Variants in TMEM132D observed in about 807,000 individuals in gnomAD.
TMEM132D encodes the protein mature OL transmembrane protein.
In TMEM132D, 21 loss-of-function variants were observed where a neutral mutation model predicts 62.3. That is an observed-to-expected ratio of 0.34 (90% CI 0.24 to 0.49). The LOEUF (loss-of-function observed/expected upper bound fraction) is 0.49. Among genes scored for constraint, TMEM132D ranks in the 20% least tolerant of loss-of-function variants. The pLI, the probability that TMEM132D is intolerant of heterozygous loss-of-function variation, is 0.99. For missense variants in TMEM132D, 1,346 were observed against 1,402.8 expected, an observed-to-expected ratio of 0.96 and a Z score of 0.65; for synonymous variants, 621 against 575.6, an observed-to-expected ratio of 1.08 and a Z score of -1.13.
At position 129,078,641 on chromosome 12, in the gene TMEM132D, C is replaced by A; in HGVS notation, c.2008G>T (p.Val670Leu). ...AGTGACAGCCCTGTCACCAGCTGCA[C>A]CCCGAGGTCTGTGATGGTCACCTTC... Reference protein sequence around the residue: ...DEKVTITDLGVQLVTGLSLSL... With the variant: ...DEKVTITDLGLQLVTGLSLSL... The change falls in exon 8 of 9, where the codon GTG (valine) becomes TTG (leucine). Residue 670 changes from valine to leucine, a missense_variant. Physicochemically the swap from Val to Leu is conservative, Grantham distance 32 (BLOSUM62 1). Transcript: ENST00000422113. 3.1e-6 allele frequency: 5 copies of A among 1,614,190 alleles called. No individual in the cohort carries two copies. Among genetic ancestry groups the A allele is most frequent in the Non-Finnish European group, 3.4e-6 (4 of 1,180,048 alleles).
chr12:129,762,016 C>T (rs1870395450), intron 1 of TMEM132D, among the ~76,000 whole-genome samples: 1 of 152,138 alleles, frequency 6.6e-6, no homozygotes, highest in Non-Finnish European at 1.5e-5. Flanking sequence ...ATTTTTCTGT[C>T]ATGAGAAACT....
intron 2 of TMEM132D, among the ~76,000 whole-genome samples, chr12:129,662,124 G>C (rs1452410353): frequency 1.3e-5 from 2 of 152,224 alleles, no homozygotes; most frequent in Non-Finnish European, 2.9e-5. Context: ...TCTGAATCAA[G>C]TGAAAGCAAG....
chr12:129,486,192 G>A (rs900414613), intron 3 of TMEM132D, among the ~76,000 whole-genome samples: 9 of 152,238 alleles, frequency 5.9e-5, no homozygotes, highest in Non-Finnish European at 1.2e-4. Flanking sequence ...GCTCCAGGAG[G>A]AGTGGAAGCT....
At chr12:129,771,924 A>T (rs951448466) in intron 1 of TMEM132D, among the ~76,000 whole-genome samples, 1 of 152,226 alleles carries the variant, frequency 6.6e-6, no homozygotes, top group Non-Finnish European at 1.5e-5. Context: ...TATTACACAG[A>T]CAAAGAAACT....
chr12:129,428,838 C>A (rs1309779200), intron 3 of TMEM132D, among the ~76,000 whole-genome samples: 2 of 152,168 alleles, frequency 1.3e-5, no homozygotes, highest in Non-Finnish European at 2.9e-5. Flanking sequence ...GGGAAAATTG[C>A]TTCAGCAATT....
intron 5 of TMEM132D, among the ~76,000 whole-genome samples, chr12:129,091,518 C>T (rs1874916681): frequency 1.3e-5 from 2 of 150,706 alleles, no homozygotes; most frequent in East Asian, 2.0e-4. Context: ...GAGACCTTAC[C>T]TATGCTCACC....
chr12:129,344,206 A>G (rs1386164435), intron 3 of TMEM132D, among the ~76,000 whole-genome samples: 1 of 152,158 alleles, frequency 6.6e-6, no homozygotes, highest in Non-Finnish European at 1.5e-5. Context: ...GAGATCCAAG[A>G]AACCTCTCTT....
intron 2 of TMEM132D, among the ~76,000 whole-genome samples, chr12:129,659,029 T>C (rs997374715): frequency 6.6e-6 from 1 of 152,132 alleles, no homozygotes; most frequent in African/African-American, 2.4e-5. Context: ...GCCTCCTGAA[T>C]AGCTGTGAAT....
chr12:129,547,160 C>T (rs1308846832), intron 2 of TMEM132D, among the ~76,000 whole-genome samples: 6 of 152,182 alleles, frequency 3.9e-5, no homozygotes, highest in African/African-American at 7.2e-5. Context: ...ATTCCTCACC[C>T]GGGGCAGCAT....
At chr12:129,406,616 C>T (rs1344406103) in intron 3 of TMEM132D, among the ~76,000 whole-genome samples, 1 of 145,370 alleles carries the variant, frequency 6.9e-6, no homozygotes, top group African/African-American at 2.7e-5. Flanking sequence ...CGAGACTCCA[C>T]CTCAAAAAAA....
intron 1 of TMEM132D, among the ~76,000 whole-genome samples, chr12:129,899,058 C>T (rs1875244284): frequency 6.6e-6 from 1 of 152,212 alleles, no homozygotes. Context: ...ATAGTTCCTG[C>T]TGAGCTCTGT....
chr12:129,125,580 C>T (rs1376648914), intron 5 of TMEM132D, among the ~76,000 whole-genome samples: 3 of 149,898 alleles, frequency 2.0e-5, no homozygotes, highest in East Asian at 3.9e-4. Flanking sequence ...TCACAGCTCA[C>T]TGCAGCCTCA....
At chr12:129,085,017 C>T in intron 5 of TMEM132D, 1 of 500,398 alleles carries the variant, frequency 2.0e-6, no homozygotes. Flanking sequence ...GAAGACTGCC[C>T]TTAGGTGAGT....
At chr12:129,609,023 C>T (rs1172102942) in intron 2 of TMEM132D, among the ~76,000 whole-genome samples, 1 of 151,784 alleles carries the variant, frequency 6.6e-6, no homozygotes, top group African/African-American at 2.4e-5. Context: ...CCACTGCAAC[C>T]TCTACCTCCT....
chr12:129,244,666 A>G (rs1206229599), intron 4 of TMEM132D, among the ~76,000 whole-genome samples: 2 of 151,810 alleles, frequency 1.3e-5, no homozygotes, highest in East Asian at 1.9e-4. Context: ...TTTGAGACAG[A>G]GTCTTGCTCT....
chr12:129,818,499 A>ATGTGTGTATGTGCGCATC (rs1872443752), intron 1 of TMEM132D, among the ~76,000 whole-genome samples: 1 of 136,826 alleles, frequency 7.3e-6, no homozygotes, highest in Non-Finnish European at 1.6e-5. Context: ...TGGTGTGTGT[A>ATGTGTGTATGTGCGCATC]TGTGTGTATG....
chr12:129,103,590 C>A (rs1565965043), intron 5 of TMEM132D, among the ~76,000 whole-genome samples: 1 of 152,218 alleles, frequency 6.6e-6, no homozygotes, highest in African/African-American at 2.4e-5. Flanking sequence ...CAGAGTGTCA[C>A]CCAGGCCTCT....
At chr12:129,152,502 C>A (rs888844152) in intron 5 of TMEM132D, among the ~76,000 whole-genome samples, 4 of 152,170 alleles carry the variant, frequency 2.6e-5, no homozygotes, top group Non-Finnish European at 5.9e-5. Flanking sequence ...CCAGATTTGA[C>A]CTGACATGAG....
rs115851306 is a variant in TMEM132D at position 129,281,133 on chromosome 12, T to C, written c.1299+56501A>G. Among the ~76,000 whole-genome samples the C allele has an allele frequency of 9.0e-3, 1,364 of 152,208 alleles. 15 individuals are homozygous for C. Among genetic ancestry groups the C allele is most frequent in the African/African-American group, 0.025 (1,032 of 41,510 alleles). ...ATCAGAAAATAACTCAGGATAGCAA[T>C]TGTCTTCGCCATACTCTATTCTCAG... On this transcript the variant is annotated intron_variant, in intron 4 of 8. Transcript: ENST00000422113.
Sources: gnomAD v4.1 joint callset for allele counts (sites outside exome capture counted in the v4.1 genomes callset) on GRCh38, gnomAD v4.1.1 for gene constraint, MANE v1.5 for transcripts, NCBI Gene and HGNC (gene_info 2026-07-23, HGNC 2026-07-21) for gene names.